The following ITPR2 variants were observed in gnomAD, a reference collection of about 807,000 sequenced individuals.
ITPR2 encodes inositol 1,4,5-trisphosphate-gated calcium channel ITPR2.
ITPR2 carries 207 observed loss-of-function variants against 317.1 expected under a neutral mutation model. The observed-to-expected ratio is 0.65, with a 90% CI of 0.58 to 0.73. The LOEUF is 0.73. Ranked by LOEUF, ITPR2 falls within the 30% of genes least tolerant of loss-of-function variation. ITPR2 has a pLI of 0.00. For missense variants in ITPR2, 2,613 were observed against 3,284.0 expected, an observed-to-expected ratio of 0.80 and a Z score of 4.99; for synonymous variants, 1,156 against 1,149.1, an observed-to-expected ratio of 1.01 and a Z score of -0.12.
At chr12:26,794,999 A>T (rs1020579153) in intron 1 of ITPR2, among the ~76,000 whole-genome samples, 1 of 152,242 alleles carries the variant, frequency 6.6e-6, no homozygotes, top group Non-Finnish European at 1.5e-5. Context: ...ATGCTAACTG[A>T]CTTTTGTCGA....
intron 2 of ITPR2, among the ~76,000 whole-genome samples, chr12:26,745,183 A>G (rs189862969): frequency 2.0e-5 from 3 of 152,346 alleles, no homozygotes; most frequent in Admixed American, 2.0e-4. Flanking sequence ...AGATGAAAAC[A>G]TGAGAACATA....
intron 37 of ITPR2, among the ~76,000 whole-genome samples, chr12:26,509,771 C>T (rs973514576): frequency 1.3e-5 from 2 of 152,064 alleles, no homozygotes; most frequent in African/African-American, 4.8e-5. Context: ...TGTGGGAAGG[C>T]GGTCCAGTGC....
chr12:26,459,570 G>A (rs1941965131), intron 45 of ITPR2, among the ~76,000 whole-genome samples: 1 of 152,088 alleles, frequency 6.6e-6, no homozygotes, highest in Admixed American at 6.5e-5. Flanking sequence ...AGTTCTTGAG[G>A]GCCTTTGGCC....
In ITPR2 at chr12:26,724,426, T is replaced by C. The variant is rs79984477; in HGVS notation, c.366+230A>G. Among the ~76,000 whole-genome samples the C allele has an allele frequency of 1.4e-3, 209 of 152,330 alleles. 2 individuals carry two copies. The highest frequency in any genetic ancestry group is 4.9e-3 in the African/African-American group (204 of 41,590). On this transcript the variant is annotated intron_variant, in intron 4 of 56. Transcript: ENST00000381340. ...TCTTTTTGATGTAATAACTTGTGTATACATCCAGATAAGATCACTTCTTTA... is the reference window on the plus strand; with the variant it reads ...TCTTTTTGATGTAATAACTTGTGTACACATCCAGATAAGATCACTTCTTTA...
chr12:26,480,990 TTAG>T, intron 43 of ITPR2, 138 bp downstream of exon 43: 1 of 451,440 alleles, frequency 2.2e-6, no homozygotes, highest in South Asian at 5.3e-5. Flanking sequence ...CATCTGGAGT[TTAG>T]TAAGCATTGT....
At chr12:26,463,698 CA>C (rs11362863) in intron 45 of ITPR2, among the ~76,000 whole-genome samples, 82,466 of 138,694 alleles carry the variant, frequency 0.59, 25,749 homozygotes, top group South Asian at 0.71. Context: ...AACAAACAAA[CA>C]AAAAAAAAAC....
At chr12:26,586,708 T>G (rs1489482252) in intron 32 of ITPR2, among the ~76,000 whole-genome samples, 1 of 152,174 alleles carries the variant, frequency 6.6e-6, no homozygotes, top group African/African-American at 2.4e-5. Context: ...TGAGTGTCTA[T>G]TCCATGCCAA....
At chr12:26,369,053 A>T (rs1939102239) in intron 55 of ITPR2, among the ~76,000 whole-genome samples, 2 of 152,350 alleles carry the variant, frequency 1.3e-5, no homozygotes, top group Middle Eastern at 3.4e-3. Context: ...AGAGTGCTGC[A>T]GGCTGAAAGA....
At chr12:26,419,708 TA>T (rs1940830047) in intron 49 of ITPR2, 1 of 152,160 alleles carries the variant, frequency 6.6e-6, no homozygotes, top group Non-Finnish European at 1.5e-5. Context: ...ACTTTTATTA[TA>T]TTTTTTATAG....
intron 4 of ITPR2, 98 bp from the exon 5 acceptor site, chr12:26,722,653 T>C: frequency 1.2e-6 from 1 of 823,482 alleles, no homozygotes; most frequent in Non-Finnish European, 1.8e-6. Context: ...TCATCTAACA[T>C]GGCTTGAGAT....
intron 32 of ITPR2, among the ~76,000 whole-genome samples, chr12:26,580,822 A>G (rs1945387664): frequency 1.3e-5 from 2 of 152,230 alleles, no homozygotes; most frequent in Non-Finnish European, 2.9e-5. Context: ...TGATCTTTAC[A>G]TCTGATGAAA....
At chr12:26,809,156 T>G (rs9737648) in intron 1 of ITPR2, among the ~76,000 whole-genome samples, 4 of 152,164 alleles carry the variant, frequency 2.6e-5, no homozygotes, top group African/African-American at 9.7e-5. Context: ...CCTCTCTGGT[T>G]AAAAGGAAAA....
chr12:26,584,690 T>C (rs1945479681), intron 32 of ITPR2, among the ~76,000 whole-genome samples: 1 of 152,226 alleles, frequency 6.6e-6, no homozygotes, highest in Non-Finnish European at 1.5e-5. Flanking sequence ...GAAATGTGAC[T>C]AGTGCAACTG....
At chr12:26,783,391 T>C (rs932286596) in intron 2 of ITPR2, among the ~76,000 whole-genome samples, 1 of 152,214 alleles carries the variant, frequency 6.6e-6, no homozygotes, top group Non-Finnish European at 1.5e-5. Flanking sequence ...CTGTCTTCTC[T>C]TCCCTCCACC....
chr12:26,816,725 G>C (rs2137280746), intron 1 of ITPR2, among the ~76,000 whole-genome samples: 1 of 152,276 alleles, frequency 6.6e-6, no homozygotes, highest in Non-Finnish European at 1.5e-5. Context: ...TGCTATCTGA[G>C]TATATAGTAA....
chr12:26,733,483 T>C (rs1398198506), intron 2 of ITPR2, among the ~76,000 whole-genome samples: 1 of 152,062 alleles, frequency 6.6e-6, no homozygotes, highest in Non-Finnish European at 1.5e-5. Context: ...GTTATAATAC[T>C]TAAAAAGAAA....
chr12:26,802,538 G>T (rs1252082694), intron 1 of ITPR2, among the ~76,000 whole-genome samples: 2 of 136,130 alleles, frequency 1.5e-5, no homozygotes, highest in East Asian at 4.8e-4. Context: ...TCAACAAACT[G>T]CAGAGGAGAT....
Position 26,411,424 on chromosome 12 carries a change from C to T in ITPR2, c.7307-12G>A. ...CACTTGATGACTGCCTAAGAAAATA[C>T]AAAGTAGTATATAATATAGAGTCAA... On this transcript the variant is annotated splice_polypyrimidine_tract_variant and intron_variant, in intron 51 of 56. Transcript: ENST00000381340. 2 of 1,563,408 alleles carry T rather than the reference C, an allele frequency of 1.3e-6. No individual in the cohort carries two copies. The highest frequency in any genetic ancestry group is 1.4e-5 in the African/African-American group (1 of 73,958).
At chr12:26,777,294 G>A (rs1397392129) in intron 2 of ITPR2, among the ~76,000 whole-genome samples, 2 of 151,918 alleles carry the variant, frequency 1.3e-5, no homozygotes, top group Admixed American at 6.5e-5. Flanking sequence ...AGCTGGGAGG[G>A]TCCAGAAGAT....
Sources: allele counts gnomAD v4.1 joint callset (sites outside exome capture counted in the v4.1 genomes callset), GRCh38; gene constraint gnomAD v4.1.1; transcripts MANE v1.5; gene names NCBI Gene and HGNC (gene_info 2026-07-23, HGNC 2026-07-21).